Variants in NELL2 observed in about 807,000 individuals in gnomAD.
The protein encoded by NELL2 is protein kinase C-binding protein NELL2.
NELL2 carries 41 observed loss-of-function variants against 109.6 expected under a neutral mutation model. The observed-to-expected ratio is 0.37, with a 90% confidence interval of 0.29 to 0.49. The LOEUF is 0.49. NELL2 is among the 20% of genes least tolerant of loss of function. The pLI is 0.98. For missense variants in NELL2, 900 were observed against 1,008.3 expected (o/e 0.89, Z 1.45); for synonymous variants, 355 against 344.7 (o/e 1.03, Z -0.33).
intron 3 of NELL2, among the ~76,000 whole-genome samples, chr12:44,802,187 A>G (rs1264749129): frequency 2.0e-5 from 3 of 152,234 alleles, no homozygotes; most frequent in African/African-American, 7.2e-5. Flanking sequence ...ACAGATCTTG[A>G]ATCCTGATAA....
At chr12:44,913,532 T>C (rs1304764599) in intron 1 of NELL2, among the ~76,000 whole-genome samples, 8 of 152,196 alleles carry the variant, frequency 5.3e-5, no homozygotes, top group Non-Finnish European at 8.8e-5. Context: ...TTCCCAGTCC[T>C]AAAATAGTTG....
chr12:44,641,597 GAA>G (rs1386969889), intron 13 of NELL2, among the ~76,000 whole-genome samples: 3 of 151,506 alleles, frequency 2.0e-5, no homozygotes, highest in African/African-American at 7.3e-5. Flanking sequence ...CTATATGGGA[GAA>G]AGAGTGCAGG....
intron 3 of NELL2, among the ~76,000 whole-genome samples, chr12:44,805,457 G>A (rs1002179075): frequency 2.0e-5 from 3 of 151,836 alleles, no homozygotes; most frequent in Admixed American, 2.0e-4. Flanking sequence ...GAGATTTGAG[G>A]TGACATTACA....
chr12:44,709,246 T>C (rs539025176), intron 11 of NELL2, among the ~76,000 whole-genome samples: 10 of 152,234 alleles, frequency 6.6e-5, no homozygotes, highest in Admixed American at 4.6e-4. Flanking sequence ...CTTTGACCAA[T>C]TGCATATGAT....
At chr12:44,722,233 T>C (rs1329710348) in intron 9 of NELL2, among the ~76,000 whole-genome samples, 2 of 152,056 alleles carry the variant, frequency 1.3e-5, no homozygotes, top group East Asian at 3.9e-4. Flanking sequence ...TGGAGTGCTG[T>C]GGCACGATGA....
chr12:44,527,398 C>T (rs950269752), intron 16 of NELL2, among the ~76,000 whole-genome samples: 1 of 152,172 alleles, frequency 6.6e-6, no homozygotes, highest in African/African-American at 2.4e-5. Context: ...AAATAGGACT[C>T]TGGCCTGTTA....
rs994484993 is a variant in NELL2 at position 44,672,849 on chromosome 12, G to C, written c.1319-7240C>G. The stretch of plus-strand genomic sequence containing the variant: ...GTTGGGTCTACATCCCAGAGGCTTA[G>C]GAGACAGTGACTTGTCCAATCTTCT... On this transcript the variant is annotated intron_variant, in intron 12 of 19. Transcript: ENST00000429094. Among the ~76,000 whole-genome samples, 4 of 152,198 alleles carry C rather than the reference G, an allele frequency of 2.6e-5. No individual in the cohort carries two copies. In the East Asian group the frequency reaches 7.7e-4, roughly 29 times the overall value.
At chr12:44,629,816 A>G (rs1430915689) in intron 13 of NELL2, among the ~76,000 whole-genome samples, 2 of 152,214 alleles carry the variant, frequency 1.3e-5, no homozygotes, top group African/African-American at 4.8e-5. Context: ...ATTTTCAACA[A>G]CACTGTAATT....
chr12:44,881,842 G>T (rs1435106366), intron 1 of NELL2: 1 of 151,694 alleles, frequency 6.6e-6, no homozygotes, highest in Non-Finnish European at 1.5e-5. Flanking sequence ...CCAGAGTGCT[G>T]AAAACAATAG....
Position 44,522,058 on chromosome 12 carries a change from TC to T in NELL2, c.2116del (p.Glu706LysfsTer72). The T allele has an allele frequency of 6.2e-7, 1 of 1,614,088 alleles. No homozygotes were observed. The highest frequency in any genetic ancestry group is 8.5e-7 in the Non-Finnish European group (1 of 1,179,994). ...LSSQCLHQNGETLYNSGDTWV... is the reference protein window; with the variant it reads ...LSSQCLHQNGXTLYNSGDTWV... ...GGTGTCACCACTGTTATACAAAGTT[TC>T]CCCATTTTGATGGAGGCACTGACTA... On this transcript the variant is annotated frameshift_variant, in exon 18 of 20. Transcript: ENST00000429094. LOFTEE classifies it high-confidence loss of function.
intron 1 of NELL2, chr12:44,881,639 A>C (rs1945412999): frequency 6.6e-6 from 1 of 152,058 alleles, no homozygotes; most frequent in African/African-American, 2.4e-5. Flanking sequence ...TAGTCACAGG[A>C]ACCTGTGGGA....
At chr12:44,511,409 A>G (rs1475501293) in intron 19 of NELL2, among the ~76,000 whole-genome samples, 2 of 152,152 alleles carry the variant, frequency 1.3e-5, no homozygotes, top group Non-Finnish European at 2.9e-5. Flanking sequence ...AAAGAAGGAA[A>G]ATGTACTGTG....
At chr12:44,568,170 T>C (rs186688637) in intron 15 of NELL2, among the ~76,000 whole-genome samples, 4 of 152,058 alleles carry the variant, frequency 2.6e-5, no homozygotes, top group Admixed American at 6.6e-5. Context: ...GTAAAAGAAA[T>C]GACACTCTAT....
At chr12:44,588,890 T>A (rs34181538) in intron 15 of NELL2, among the ~76,000 whole-genome samples, 1 of 152,086 alleles carries the variant, frequency 6.6e-6, no homozygotes, top group Non-Finnish European at 1.5e-5. Flanking sequence ...TTTGGTAACA[T>A]CTAATCGACT....
intron 3 of NELL2, among the ~76,000 whole-genome samples, chr12:44,784,704 T>C (rs1380299905): frequency 6.6e-6 from 1 of 152,154 alleles, no homozygotes; most frequent in African/African-American, 2.4e-5. Flanking sequence ...GCTTCATCCC[T>C]GCGATGCAAG....
At chr12:44,757,132 C>T (rs556786494) in intron 9 of NELL2, among the ~76,000 whole-genome samples, 5 of 152,258 alleles carry the variant, frequency 3.3e-5, no homozygotes, top group Non-Finnish European at 7.4e-5. Context: ...CATGATATGC[C>T]TCTCTCCCTT....
chr12:44,841,443 T>G (rs1344820860), intron 2 of NELL2, among the ~76,000 whole-genome samples: 1 of 152,188 alleles, frequency 6.6e-6, no homozygotes, highest in Non-Finnish European at 1.5e-5. Context: ...TACCTTCCAC[T>G]ATATGAAACT....
intron 19 of NELL2, among the ~76,000 whole-genome samples, chr12:44,512,404 T>C (rs1941038469): frequency 6.6e-6 from 1 of 151,890 alleles, no homozygotes; most frequent in Non-Finnish European, 1.5e-5. Context: ...AGAGCCATTA[T>C]AAAAAACAGT....
chr12:44,900,794 T>G (rs755807958), intron 1 of NELL2, among the ~76,000 whole-genome samples: 1 of 151,934 alleles, frequency 6.6e-6, no homozygotes, highest in Non-Finnish European at 1.5e-5. Flanking sequence ...ATCGAGACCT[T>G]CCTGGCCAAC....
Sources: allele counts gnomAD v4.1 joint callset (sites outside exome capture counted in the v4.1 genomes callset), GRCh38; gene constraint gnomAD v4.1.1; transcripts MANE v1.5; gene names NCBI Gene and HGNC (gene_info 2026-07-23, HGNC 2026-07-21).